The following GDAP2 variants were observed in gnomAD, a reference collection of about 807,000 sequenced individuals.
The protein encoded by GDAP2 is ganglioside-induced differentiation-associated protein 2.
A neutral mutation model predicts 67.0 loss-of-function variants in GDAP2; 51 were observed. That is an observed-to-expected ratio of 0.76 (90% CI 0.61 to 0.96). GDAP2 has a LOEUF of 0.96. Among genes scored for constraint, GDAP2 ranks in the 40% least tolerant of loss-of-function variants. The pLI is 0.00. For missense variants in GDAP2, 547 were observed against 588.3 expected, an observed-to-expected ratio of 0.93 and a Z score of 0.73; for synonymous variants, 203 against 207.3, an observed-to-expected ratio of 0.98 and a Z score of 0.18.
Position 117,890,381 on chromosome 1 carries a change from A to G in GDAP2, c.954-2607T>C, listed in dbSNP as rs534710730. ...CATATTTGTCTCTCATTTCTAGCCAATTCCTAGGGTAGTTCCTGACACTCA... is the reference window on the plus strand; with the variant it reads ...CATATTTGTCTCTCATTTCTAGCCAGTTCCTAGGGTAGTTCCTGACACTCA... On this transcript the variant is annotated intron_variant, in intron 8 of 13. Coordinates refer to ENST00000369443, the MANE Select transcript of GDAP2 (RefSeq NM_017686.4). 1.1e-4 allele frequency among the ~76,000 whole-genome samples: 17 copies of G among 152,210 alleles called. No homozygotes were observed. The East Asian group carries it at 3.3e-3, about 29-fold the overall frequency.
At chr1:117,926,676 G>A (rs1650456566) in intron 1 of GDAP2, among the ~76,000 whole-genome samples, 2 of 152,144 alleles carry the variant, frequency 1.3e-5, no homozygotes, top group South Asian at 4.1e-4. Context: ...CCTGATCCCT[G>A]AGAGAACAGT....
Position 117,894,908 on chromosome 1 carries a change from C to T in GDAP2, c.953+1925G>A, listed in dbSNP as rs2093188. On this transcript the variant is annotated intron_variant, in intron 8 of 13. Coordinates refer to ENST00000369443, the MANE Select transcript of GDAP2 (RefSeq NM_017686.4). ...GCTTGACAGTTCCTAATATTAAATA[C>T]TTTTCTGATGAGATTGGTGATACTA... Among the ~76,000 whole-genome samples, 891 of 152,166 alleles carry T rather than the reference C, an allele frequency of 5.9e-3. 6 individuals carry two copies. The highest frequency in any genetic ancestry group is 0.033 in the East Asian group (169 of 5,184).
rs140641323 is a variant in GDAP2, at chr1:117,888,466, T to C, written c.954-692A>G. On this transcript the variant is annotated intron_variant, in intron 8 of 13. Coordinates refer to ENST00000369443, the MANE Select transcript of GDAP2 (RefSeq NM_017686.4). ...AAAGATCTTGCAGATGGAAATGACA[T>C]GCAAAAGATTAATGGTCAAGTTCAT... Among the ~76,000 whole-genome samples the C allele has an allele frequency of 4.0e-3, 613 of 152,252 alleles. 1 individual carries two copies. Among genetic ancestry groups the C allele is most frequent in the Middle Eastern group, 0.014 (4 of 292 alleles).
intron 13 of GDAP2, chr1:117,877,467 C>A (rs114640511): frequency 1.0e-6 from 1 of 972,922 alleles, no homozygotes; most frequent in East Asian, 1.1e-4. Context: ...ATGAAATTCA[C>A]GAGTAGTCCT....
chr1:117,868,395 C>T lies in GDAP2; in HGVS notation c.*2174G>A, dbSNP rs1051122345. On this transcript the variant is annotated 3_prime_UTR_variant, in exon 14 of 14. Coordinates refer to ENST00000369443, the MANE Select transcript of GDAP2 (RefSeq NM_017686.4). ...GTATCACCTTTATACCCTAGGACAT[C>T]AATTGTACTAAAATCTCAGCATATG... The T allele has an allele frequency of 6.6e-6, 1 of 152,074 alleles. No individual in the cohort carries two copies. Among genetic ancestry groups the T allele is most frequent in the Non-Finnish European group, 1.5e-5 (1 of 68,006 alleles). The allele number at this position is 152,074 out of a possible 1,614,324, so 9.4% of individuals were successfully genotyped here.
At chr1:117,889,614 T>A (rs1006011740) in intron 8 of GDAP2, among the ~76,000 whole-genome samples, 2 of 152,104 alleles carry the variant, frequency 1.3e-5, no homozygotes, top group Admixed American at 6.6e-5. Context: ...CTGTCTTATA[T>A]CTTTAGTATG....
At chr1:117,925,427 C>T (rs755496408) in intron 1 of GDAP2, among the ~76,000 whole-genome samples, 24 of 151,852 alleles carry the variant, frequency 1.6e-4, no homozygotes, top group East Asian at 5.8e-4. Context: ...CACTCCAGCA[C>T]GGTGACAGAG....
At chr1:117,920,533 T>TGTGATTA (rs1465183537) in intron 1 of GDAP2, 109 bp from the exon 2 acceptor site, 2 of 442,036 alleles carry the variant, frequency 4.5e-6, no homozygotes, top group African/African-American at 2.0e-5. Flanking sequence ...TAGTATATTG[T>TGTGATTA]GTGATTATAG....
At chr1:117,882,154 T>G (rs1381824078) in intron 11 of GDAP2, among the ~76,000 whole-genome samples, 1 of 152,098 alleles carries the variant, frequency 6.6e-6, no homozygotes, top group Non-Finnish European at 1.5e-5. Flanking sequence ...AGAAACAAAT[T>G]TATGGTGTGT....
At chr1:117,913,160 T>C (rs1053804182) in intron 3 of GDAP2, among the ~76,000 whole-genome samples, 1 of 152,216 alleles carries the variant, frequency 6.6e-6, no homozygotes, top group African/African-American at 2.4e-5. Context: ...GGGATACTAG[T>C]AGTACTTACT....
rs1425942433 is a variant in GDAP2, at chr1:117,870,600, T to G, written c.1463A>C (p.Tyr488Ser). The change falls in exon 14 of 14, where the codon TAT becomes TCT. Residue 488 changes from tyrosine to serine, a missense_variant. Coordinates refer to ENST00000369443, the MANE Select transcript of GDAP2 (RefSeq NM_017686.4). The stretch of plus-strand genomic sequence containing the variant: ...ATCTGGTGATGGGGGATATGATGTA[T>G]AGTAAGGCCCGTTTTCCTGTGGAAA... ...EYDARENGPY[Y>S]TSYPPSPDL is the part of the protein sequence containing the mutation. The G allele has an allele frequency of 1.2e-6, 2 of 1,603,324 alleles. No homozygotes were observed. The highest frequency in any genetic ancestry group is 1.7e-6 in the Non-Finnish European group (2 of 1,170,398).
intron 13 of GDAP2, 198 bp downstream of exon 13, chr1:117,877,811 G>C: frequency 7.9e-7 from 1 of 1,261,646 alleles, no homozygotes; most frequent in African/African-American, 1.5e-5. Context: ...TTTATCTGGA[G>C]AAAATGCCTC....
chr1:117,867,117 A>T lies in GDAP2; in HGVS notation c.*3452T>A, dbSNP rs1648094502. 2 of 152,140 alleles carry T rather than the reference A, an allele frequency of 1.3e-5. No homozygotes were observed. The highest frequency in any genetic ancestry group is 1.3e-4 in the Admixed American group (2 of 15,280). The allele number at this position is 152,140 out of a possible 1,614,324, so 9.4% of individuals were successfully genotyped here. A position where few individuals can be genotyped will look rare whatever the true frequency, so the allele number is the denominator to read the frequency against. On this transcript the variant is annotated 3_prime_UTR_variant, in exon 14 of 14. Coordinates refer to ENST00000369443, the MANE Select transcript of GDAP2 (RefSeq NM_017686.4). ...AAAGAGTGATCTTTAGTTTATGCTG[A>T]ATACTTAATTTTATCACTTCTCCAT...
chr1:117,926,355 C>T (rs568287771), intron 1 of GDAP2, among the ~76,000 whole-genome samples: 14 of 152,260 alleles, frequency 9.2e-5, no homozygotes, highest in Non-Finnish European at 2.1e-4. Flanking sequence ...CTCCTATATC[C>T]CTGATCATAC....
intron 13 of GDAP2, among the ~76,000 whole-genome samples, chr1:117,875,636 C>G (rs1191682628): frequency 4.5e-4 from 68 of 152,202 alleles, no homozygotes; most frequent in Non-Finnish European, 1.5e-5. Context: ...TGGGTGGCAA[C>G]CAGCAAAGCC....
chr1:117,872,129 A>G (rs1320200364), intron 13 of GDAP2, among the ~76,000 whole-genome samples: 5 of 152,206 alleles, frequency 3.3e-5, no homozygotes, highest in Admixed American at 3.3e-4. Flanking sequence ...GCAAATCAAA[A>G]CCACAATGAG....
At chr1:117,876,633 C>T (rs968916971) in intron 13 of GDAP2, among the ~76,000 whole-genome samples, 4 of 152,286 alleles carry the variant, frequency 2.6e-5, no homozygotes, top group African/African-American at 9.6e-5. Context: ...TGATTAATTA[C>T]ATTATGCTTG....
intron 10 of GDAP2, among the ~76,000 whole-genome samples, chr1:117,884,788 A>T (rs1327845534): frequency 6.6e-6 from 1 of 151,116 alleles, no homozygotes; most frequent in Non-Finnish European, 1.5e-5. Flanking sequence ...TACTAACGGT[A>T]TAATTTTCAT....
rs1648057364 is a variant in GDAP2 at position 117,866,261 on chromosome 1, C to T, written c.*4308G>A. On this transcript the variant is annotated 3_prime_UTR_variant, in exon 14 of 14. Coordinates refer to ENST00000369443, the MANE Select transcript of GDAP2 (RefSeq NM_017686.4). ...CAGGAAAGTAACGATGTCTCTCTCT[C>T]TCTGCCAAGTGAGAATACAGCAAGA... 1.3e-5 allele frequency: 2 copies of T among 152,154 alleles called. No individual in the cohort carries two copies. Among genetic ancestry groups the T allele is most frequent in the Admixed American group, 6.5e-5 (1 of 15,274 alleles). 9.4% of individuals were successfully genotyped at this position (152,154 alleles called of 1,614,324 possible).
Sources: gnomAD v4.1 joint callset for allele counts (sites outside exome capture counted in the v4.1 genomes callset) on GRCh38, gnomAD v4.1.1 for gene constraint, MANE v1.5 for transcripts, NCBI Gene and HGNC (gene_info 2026-07-23, HGNC 2026-07-21) for gene names.